Variants in ALKAL2 observed in about 807,000 individuals in gnomAD.
ALKAL2 encodes AUG-alpha.
In ALKAL2, 8 loss-of-function variants were observed where a neutral mutation model predicts 18.5. The observed-to-expected ratio is 0.43, with a 90% CI of 0.25 to 0.78. The LOEUF is 0.78. Ranked by LOEUF, ALKAL2 falls within the 30% of genes least tolerant of loss-of-function variation. ALKAL2 has a pLI of 0.22. For synonymous variants in ALKAL2, 135 were observed against 95.8 expected, an observed-to-expected ratio of 1.41 and a Z score of -2.39; for missense variants, 241 against 211.2, an observed-to-expected ratio of 1.14 and a Z score of -0.88.
intron 5 of ALKAL2, among the ~76,000 whole-genome samples, chr2:282,590 T>G (rs1670388423): frequency 6.6e-6 from 1 of 151,976 alleles, no homozygotes; most frequent in Admixed American, 6.5e-5. Flanking sequence ...GTTTAGTTCA[T>G]AAACGTGGTA....
chr2:282,416 CAT>C (rs1462744963), intron 5 of ALKAL2, among the ~76,000 whole-genome samples: 1 of 152,224 alleles, frequency 6.6e-6, no homozygotes, highest in African/African-American at 2.4e-5. Flanking sequence ...ATACAAGACA[CAT>C]AGTAAGTATA....
Position 286,164 on chromosome 2 carries a change from T to C in ALKAL2, c.347A>G (p.His116Arg), listed in dbSNP as rs751863731. 3.1e-6 allele frequency: 5 copies of C among 1,613,832 alleles called. No individual in the cohort carries two copies. The African/African-American group carries it at 5.3e-5, about 17-fold the overall frequency. The change falls in exon 4 of 6, where the codon CAT becomes CGT. Residue 116 changes from histidine (H) to arginine (R), a missense_variant. His to Arg is a conservative substitution (Grantham distance 29). Coordinates refer to ENST00000403610, the MANE Select transcript of ALKAL2 (RefSeq NM_001002919.3). ...GTCTCTGGTGTTGTGATAAAGTCTA[T>C]GGAAGTGTTTGCTGCACTTTGGACT... The part of the protein sequence containing the change: ...YFSPKCSKHF[H>R]RLYHNTRDCT...
intron 4 of ALKAL2, 191 bp from the exon 5 acceptor site, chr2:283,366 C>G (rs1383733935): frequency 1.7e-5 from 17 of 985,294 alleles, no homozygotes; most frequent in Non-Finnish European, 2.0e-5. Flanking sequence ...GCTTCAAGGG[C>G]TTGAGCTTCA....
At chr2:280,874 GCTTTTCT>G (rs1558267125) in intron 5 of ALKAL2, among the ~76,000 whole-genome samples, 1 of 152,264 alleles carries the variant, frequency 6.6e-6, no homozygotes, top group Non-Finnish European at 1.5e-5. Flanking sequence ...CTAAAGGCCT[GCTTTTCT>G]CAGGCTCTGG....
chr2:282,844 C>T (rs1398385577), intron 5 of ALKAL2, among the ~76,000 whole-genome samples: 1 of 152,224 alleles, frequency 6.6e-6, no homozygotes, highest in African/African-American at 2.4e-5. Context: ...CACATGCTGA[C>T]ACTGGCTGAC....
chr2:280,172 G>A lies in ALKAL2; in HGVS notation c.454-20C>T, dbSNP rs772310409. On this transcript the variant is annotated intron_variant, in intron 5 of 5. Transcript: ENST00000403610. ...TCACTGCTGAAAACAAATACATTGC[G>A]TGTGATATGACTATCCACACTTCTT... 33 of 1,613,678 alleles carry A rather than the reference G, an allele frequency of 2.0e-5. 1 individual carries two copies. The highest frequency in any genetic ancestry group is 1.6e-4 in the Middle Eastern group (1 of 6,084).
chr2:287,483 T>G, intron 2 of ALKAL2, 100 bp downstream of exon 2: 1 of 736,694 alleles, frequency 1.4e-6, no homozygotes, highest in Non-Finnish European at 1.9e-6. Flanking sequence ...AATCCTGCTG[T>G]TCAGTGGTCA....
intron 4 of ALKAL2, chr2:283,499 G>A (rs1402061211): frequency 1.0e-6 from 1 of 985,294 alleles, no homozygotes; most frequent in East Asian, 1.1e-4. Context: ...CTTCCTACGT[G>A]ACAATCCTTC....
chr2:284,977 G>GGAA (rs1558268823), intron 4 of ALKAL2, among the ~76,000 whole-genome samples: 6 of 152,154 alleles, frequency 3.9e-5, no homozygotes, highest in African/African-American at 1.4e-4. Context: ...TGGAAGGGTG[G>GGAA]GGCCCAGCAC....
chr2:281,455 T>G (rs1217287682), intron 5 of ALKAL2, among the ~76,000 whole-genome samples: 1 of 152,150 alleles, frequency 6.6e-6, no homozygotes, highest in African/African-American at 2.4e-5. Context: ...GAGAGTGATG[T>G]GAAGAGTGCT....
At chr2:282,085 C>G (rs1344956645) in intron 5 of ALKAL2, among the ~76,000 whole-genome samples, 1 of 152,234 alleles carries the variant, frequency 6.6e-6, no homozygotes, top group East Asian at 1.9e-4. Flanking sequence ...TGCCATTCCT[C>G]TCATTAGCAG....
chr2:287,832 G>C lies in ALKAL2; in HGVS notation c.4C>G (p.Arg2Gly), dbSNP rs1367173443. 3.0e-6 allele frequency: 4 copies of C among 1,311,660 alleles called. No individual in the cohort carries two copies. The highest frequency in any genetic ancestry group is 3.8e-6 in the Non-Finnish European group (4 of 1,039,226). The allele number at this position is 1,311,660 out of a possible 1,614,324, so 81.3% of individuals were successfully genotyped here. A position where few individuals can be genotyped will look rare whatever the true frequency, so the allele number is the denominator to read the frequency against. M[R>G]GPGHPLLLGL... ...AGGAGGAGGGGGTGCCCGGGTCCGC[G>C]CATCGTGCGCTCGGGGCCGCGGGGC... The change falls in exon 2 of 6, where the codon CGC becomes GGC. Residue 2 changes from arginine (R) to glycine (G), a missense_variant. Coordinates refer to ENST00000403610, the MANE Select transcript of ALKAL2 (RefSeq NM_001002919.3).
intron 5 of ALKAL2, among the ~76,000 whole-genome samples, chr2:282,511 CCTTCAAAACAT>C (rs1670386350): frequency 6.6e-6 from 1 of 152,162 alleles, no homozygotes. Context: ...AAAACCTTAC[CCTTCAAAACAT>C]CCGCTGATGG....
intron 5 of ALKAL2, among the ~76,000 whole-genome samples, chr2:282,462 T>G (rs12714404): frequency 0.63 from 95,521 of 152,156 alleles, 31,540 homozygotes; most frequent in East Asian, 0.85. Flanking sequence ...TCCTGCTGTC[T>G]AAAGTGACTG....
chr2:287,683 G>C lies in ALKAL2; in HGVS notation c.153C>G (p.His51Gln). The part of the protein sequence containing the change: ...VVELVQELRK[H>Q]HSAEHKGLQL... Reference sequence around the variant, plus strand: ...GCAGGCCCTTGTGCTCCGCCGAGTGGTGCTTCCGCAGCTCCTGGACGAGTT... The same window carrying C: ...GCAGGCCCTTGTGCTCCGCCGAGTGCTGCTTCCGCAGCTCCTGGACGAGTT... The change falls in exon 2 of 6, where the codon CAC becomes CAG. Residue 51 changes from histidine (H) to glutamine (Q), a missense_variant. Physicochemically the swap from His to Gln is conservative, Grantham distance 24. Coordinates refer to ENST00000403610, the MANE Select transcript of ALKAL2 (RefSeq NM_001002919.3). 2 of 1,482,868 alleles carry C rather than the reference G, an allele frequency of 1.3e-6. No homozygotes were observed. The highest frequency in any genetic ancestry group is 1.8e-6 in the Non-Finnish European group (2 of 1,123,126). The allele number at this position is 1,482,868 out of a possible 1,614,324, so 91.9% of individuals were successfully genotyped here.
intron 4 of ALKAL2, among the ~76,000 whole-genome samples, chr2:285,574 G>A (rs1416001684): frequency 6.6e-6 from 1 of 152,230 alleles, no homozygotes; most frequent in Non-Finnish European, 1.5e-5. Context: ...AGCAGGTTAG[G>A]AAGACTGAAA....
At chr2:285,330 C>G (rs997916339) in intron 4 of ALKAL2, among the ~76,000 whole-genome samples, 5 of 152,168 alleles carry the variant, frequency 3.3e-5, no homozygotes, top group Non-Finnish European at 2.9e-5. Flanking sequence ...GGCAGGACAG[C>G]AAGTCCGGAA....
At chr2:287,439 TC>T in intron 2 of ALKAL2, 143 bp downstream of exon 2, 1 of 636,084 alleles carries the variant, frequency 1.6e-6, no homozygotes. Flanking sequence ...GCTGCTATTT[TC>T]TTTTTCTTAA....
At chr2:283,241 A>C (rs1408620977) in intron 4 of ALKAL2, 66 bp from the exon 5 acceptor site, 12 of 1,513,766 alleles carry the variant, frequency 7.9e-6, no homozygotes, top group African/African-American at 1.4e-5. Flanking sequence ...ATTTTTTTGC[A>C]AGTATATCAG....
Sources: allele counts gnomAD v4.1 joint callset (sites outside exome capture counted in the v4.1 genomes callset), GRCh38; gene constraint gnomAD v4.1.1; transcripts MANE v1.5; gene names NCBI Gene and HGNC (gene_info 2026-07-23, HGNC 2026-07-21).